TMPRSS6: variants seen among roughly 807,000 people sequenced by gnomAD.
TMPRSS6 encodes transmembrane protease serine 6.
TMPRSS6 carries 67 observed loss-of-function variants against 101.5 expected under a neutral mutation model. That is an observed-to-expected ratio of 0.66 (90% CI 0.54 to 0.81). The LOEUF (loss-of-function observed/expected upper bound fraction) is 0.81. TMPRSS6 is among the 30% of genes least tolerant of loss of function. The probability of loss-of-function intolerance (pLI) is 0.00; values close to 1 mark genes in which losing one functional copy is unlikely to be tolerated. For missense variants in TMPRSS6, 1,034 were observed against 1,088.7 expected, an observed-to-expected ratio of 0.95 and a Z score of 0.71; for synonymous variants, 453 against 464.9, an observed-to-expected ratio of 0.97 and a Z score of 0.33.
chr22:37,089,564 T>C lies in TMPRSS6; in HGVS notation c.836+14A>G. The C allele has an allele frequency of 7.9e-7, 1 of 1,260,568 alleles. No individual in the cohort carries two copies. The allele number at this position is 1,260,568 out of a possible 1,614,324, so 78.1% of individuals were successfully genotyped here. A position where few individuals can be genotyped will look rare whatever the true frequency, so the allele number is the denominator to read the frequency against. On this transcript the variant is annotated intron_variant, in intron 7 of 17. Transcript: ENST00000676104. Reference sequence around the variant, plus strand: ...TTCCAGCCCTCCCTCCTGCCCTCCTTCCCAGGGACTCACGAGGTGATGAGC... The same window carrying C: ...TTCCAGCCCTCCCTCCTGCCCTCCTCCCCAGGGACTCACGAGGTGATGAGC...
At chr22:37,070,312 G>T (rs887943845) in intron 15 of TMPRSS6, among the ~76,000 whole-genome samples, 172 bp downstream of exon 15, 1 of 152,130 alleles carries the variant, frequency 6.6e-6, no homozygotes, top group Non-Finnish European at 1.5e-5. Context: ...ATGTGTCCGG[G>T]GACCCAGAAG....
At chr22:37,096,572 G>A in intron 4 of TMPRSS6, 76 bp downstream of exon 4, 1 of 1,473,320 alleles carries the variant, frequency 6.8e-7, no homozygotes, top group Non-Finnish European at 9.3e-7. Context: ...CATTGCATCA[G>A]AAGCCTACAG....
chr22:37,083,595 C>A (rs552935354), intron 10 of TMPRSS6, among the ~76,000 whole-genome samples: 29 of 152,392 alleles, frequency 1.9e-4, no homozygotes, highest in Non-Finnish European at 3.5e-4. Flanking sequence ...GTCGGCACCA[C>A]CCATGGCTTC....
intron 10 of TMPRSS6, among the ~76,000 whole-genome samples, chr22:37,083,340 G>T (rs1382752063): frequency 2.6e-5 from 4 of 152,122 alleles, no homozygotes; most frequent in Non-Finnish European, 4.4e-5. Context: ...GGAGCCATGG[G>T]AGGGCCTCCC....
chr22:37,079,066 T>C (rs1928050641), intron 10 of TMPRSS6, among the ~76,000 whole-genome samples: 1 of 150,984 alleles, frequency 6.6e-6, no homozygotes, highest in African/African-American at 2.4e-5. Flanking sequence ...TGGACTACCC[T>C]ACCCCCCATC....
At chr22:37,105,751 C>T (rs1347529811) in intron 1 of TMPRSS6, among the ~76,000 whole-genome samples, 1 of 152,210 alleles carries the variant, frequency 6.6e-6, no homozygotes, top group Non-Finnish European at 1.5e-5. Context: ...CTCACCCCAG[C>T]CTCCAACTCC....
At chr22:37,108,448 T>G (rs1930849983) in intron 1 of TMPRSS6, among the ~76,000 whole-genome samples, 2 of 152,172 alleles carry the variant, frequency 1.3e-5, no homozygotes, top group Admixed American at 6.5e-5. Flanking sequence ...GTGCTCCAAT[T>G]GCCACAGGGG....
chr22:37,083,238 C>A (rs544307897), intron 10 of TMPRSS6, among the ~76,000 whole-genome samples: 3 of 152,302 alleles, frequency 2.0e-5, no homozygotes, highest in South Asian at 4.1e-4. Context: ...ACCGTTTTCA[C>A]CCCGGATTCC....
At chr22:37,082,393 C>A in intron 10 of TMPRSS6, 1 of 157,208 alleles carries the variant, frequency 6.4e-6, no homozygotes. Flanking sequence ...AAGACTGTTC[C>A]TTCTCCTTTG....
intron 8 of TMPRSS6, among the ~76,000 whole-genome samples, chr22:37,085,906 C>G (rs1189509305): frequency 6.6e-6 from 1 of 150,688 alleles, no homozygotes; most frequent in African/African-American, 2.4e-5. Context: ...GGGGAGAGGG[C>G]AGGGAGGGGG....
In TMPRSS6 at chr22:37,066,910, G is replaced by A; in HGVS notation, c.2166C>T (p.Asp722=). 1.2e-6 allele frequency: 2 copies of A among 1,614,170 alleles called. No homozygotes were observed. The highest frequency in any genetic ancestry group is 1.7e-6 in the Non-Finnish European group (2 of 1,180,042). The change falls in exon 17 of 18, where the codon GAC becomes GAT. Residue 722 remains aspartate, a synonymous_variant. Coordinates refer to ENST00000676104, the MANE Select transcript of TMPRSS6 (RefSeq NM_001374504.1). ...GGTAGCGATAGACCTCGCTGCACAG[G>A]TCCTGTGGGATCAACTGCACATCCA... ...QKVDVQLIPQ[D]LCSEVYRYQV...
chr22:37,086,704 G>A (rs904508904), intron 7 of TMPRSS6, among the ~76,000 whole-genome samples: 5 of 152,164 alleles, frequency 3.3e-5, no homozygotes, highest in Admixed American at 6.5e-5. Context: ...ATGACGGCTG[G>A]CTCGAGTCCC....
rs762485135 is a variant in TMPRSS6, at chr22:37,069,028, C to T, written c.2113+45G>A. The T allele has an allele frequency of 1.0e-5, 16 of 1,532,754 alleles. 2 individuals carry two copies. In the South Asian group the frequency reaches 1.8e-4, roughly 17 times the overall value. The allele number at this position is 1,532,754 out of a possible 1,614,324, so 94.9% of individuals were successfully genotyped here. A position where few individuals can be genotyped will look rare whatever the true frequency, so the allele number is the denominator to read the frequency against. ...CAGGCCAGGTGTTACGGCGCAGATC[C>T]GCACGGTCTCCCTCCGCCTCCCGCC... On this transcript the variant is annotated intron_variant, in intron 16 of 17. Transcript: ENST00000676104. This position sits in a 1 kb window ranked among gnomAD's most constrained non-coding sequence, Gnocchi z 4.8.
At chr22:37,082,551 C>A (rs1928351347) in intron 10 of TMPRSS6, 1 of 170,414 alleles carries the variant, frequency 5.9e-6, no homozygotes, top group Admixed American at 5.4e-5. Flanking sequence ...CAGCCATCCC[C>A]AGCCTAGGTG....
At chr22:37,110,175 ACTCCGT>A (rs1169342546), upstream of TMPRSS6, among the ~76,000 whole-genome samples, 1 of 118,292 alleles carries the variant, frequency 8.5e-6, no homozygotes, top group Admixed American at 1.1e-4. Context: ...ATGGAGTCTC[ACTCCGT>A]CACCCAGGCT....
chr22:37,087,289 G>A (rs1928863901), intron 7 of TMPRSS6, among the ~76,000 whole-genome samples: 1 of 152,220 alleles, frequency 6.6e-6, no homozygotes, highest in Non-Finnish European at 1.5e-5. Context: ...CTCTGAATGG[G>A]CAACCCAATA....
chr22:37,090,028 G>A (rs140341704), intron 6 of TMPRSS6, among the ~76,000 whole-genome samples: 1 of 152,222 alleles, frequency 6.6e-6, no homozygotes, highest in African/African-American at 2.4e-5. Context: ...CGCCTTCTCA[G>A]TGCCCAGGTA....
intron 7 of TMPRSS6, among the ~76,000 whole-genome samples, chr22:37,086,790 A>C (rs1033366029): frequency 6.6e-6 from 1 of 151,872 alleles, no homozygotes; most frequent in Admixed American, 6.6e-5. Context: ...GGAAGACTAG[A>C]CTGGCATCTG....
intron 10 of TMPRSS6, among the ~76,000 whole-genome samples, chr22:37,075,904 AAAAG>A (rs963880703): frequency 6.6e-5 from 10 of 152,030 alleles, no homozygotes; most frequent in East Asian, 3.9e-4. Context: ...GTACGTCAAA[AAAAG>A]AAAGAAAGAG....
Sources: allele counts gnomAD v4.1 joint callset (sites outside exome capture counted in the v4.1 genomes callset), GRCh38; gene constraint gnomAD v4.1.1; non-coding constraint Gnocchi (gnomAD v3.1); transcripts MANE v1.5; gene names NCBI Gene and HGNC (gene_info 2026-07-23, HGNC 2026-07-21).